NTM: variants seen among roughly 807,000 people sequenced by gnomAD.
NTM encodes the protein IgLON family member 2.
NTM carries 13 observed loss-of-function variants against 42.1 expected under a neutral mutation model. That is an observed-to-expected ratio of 0.31 (90% CI 0.20 to 0.49). The LOEUF is 0.49. Among genes scored for constraint, NTM ranks in the 20% least tolerant of loss-of-function variants. The probability of loss-of-function intolerance (pLI) is 0.99; values close to 1 mark genes in which losing one functional copy is unlikely to be tolerated. For missense variants in NTM, 373 were observed against 452.8 expected (o/e 0.82, Z 1.60); for synonymous variants, 187 against 179.2 (o/e 1.04, Z -0.35).
rs558955959 is a variant in NTM at position 131,780,585 on chromosome 11, G to T, written c.83-130979G>T. 1.4e-3 allele frequency among the ~76,000 whole-genome samples: 219 copies of T among 152,222 alleles called. 1 individual carries two copies. Among genetic ancestry groups the T allele is most frequent in the Non-Finnish European group, 2.0e-3 (136 of 68,012 alleles). ...TCAGAAGACATGAGAGCGAATGAGTGCTTCCAAGCTATTAATTTCTATTCA... is the reference window on the plus strand; with the variant it reads ...TCAGAAGACATGAGAGCGAATGAGTTCTTCCAAGCTATTAATTTCTATTCA... On this transcript the variant is annotated intron_variant, in intron 1 of 8. Coordinates refer to ENST00000683400, the MANE Select transcript of NTM (RefSeq NM_001352005.2).
At chr11:131,566,590 G>A (rs546638715) in intron 1 of NTM, among the ~76,000 whole-genome samples, 2 of 152,286 alleles carry the variant, frequency 1.3e-5, no homozygotes, top group East Asian at 3.9e-4. Flanking sequence ...TGTTAATTGA[G>A]CCACCCGTGC....
intron 7 of NTM, among the ~76,000 whole-genome samples, chr11:132,316,816 G>A (rs771242303): frequency 2.0e-5 from 3 of 152,122 alleles, no homozygotes; most frequent in African/African-American, 7.2e-5. Context: ...CATTATTGAG[G>A]CTCACCATCA....
intron 1 of NTM, among the ~76,000 whole-genome samples, chr11:131,502,311 T>A (rs1409067645): frequency 6.6e-6 from 1 of 152,092 alleles, no homozygotes; most frequent in Non-Finnish European, 1.5e-5. Context: ...AACCAGGACG[T>A]GGGATCTCAC....
chr11:131,377,240 G>T (rs180916882), intron 1 of NTM, among the ~76,000 whole-genome samples: 1 of 152,276 alleles, frequency 6.6e-6, no homozygotes, highest in Admixed American at 6.5e-5. Context: ...TGTAGAAAAG[G>T]AGCTCATGGA....
intron 1 of NTM, among the ~76,000 whole-genome samples, chr11:131,759,024 A>T (rs1383720029): frequency 6.6e-6 from 1 of 152,210 alleles, no homozygotes; most frequent in Non-Finnish European, 1.5e-5. Flanking sequence ...TTCATCTTTG[A>T]GAAGTTTGGT....
chr11:132,176,627 T>G (rs1323039837), intron 3 of NTM, among the ~76,000 whole-genome samples: 1 of 151,952 alleles, frequency 6.6e-6, no homozygotes, highest in Non-Finnish European at 1.5e-5. Flanking sequence ...AGATTATGCT[T>G]GACATGTGTT....
intron 1 of NTM, among the ~76,000 whole-genome samples, chr11:131,834,099 T>A (rs886365501): frequency 3.9e-5 from 6 of 152,146 alleles, no homozygotes; most frequent in African/African-American, 1.4e-4. Context: ...CTCTTTCGTT[T>A]GTTCATTGGT....
intron 2 of NTM, among the ~76,000 whole-genome samples, chr11:132,043,164 A>G (rs945008037): frequency 2.0e-5 from 3 of 152,180 alleles, no homozygotes; most frequent in Admixed American, 1.3e-4. Flanking sequence ...GTCGTAGCTG[A>G]GGAATCCTAG....
At position 132,103,462 on chromosome 11, in the gene NTM, C is replaced by T. The variant is rs186617957; in HGVS notation, c.168-42820C>T. On this transcript the variant is annotated intron_variant, in intron 2 of 8. Coordinates refer to ENST00000683400, the MANE Select transcript of NTM (RefSeq NM_001352005.2). ...TTGCAATCATGTGAAAATGCCTTTT[C>T]GTATTCCTACAGTTTGTCTGGATAA... Among the ~76,000 whole-genome samples the T allele has an allele frequency of 1.9e-4, 29 of 152,280 alleles. No individual in the cohort carries two copies. The East Asian group carries it at 4.1e-3, about 21-fold the overall frequency.
At chr11:132,110,187 C>A (rs2062975846) in intron 2 of NTM, among the ~76,000 whole-genome samples, 1 of 152,212 alleles carries the variant, frequency 6.6e-6, no homozygotes. Context: ...TATGCCCTGT[C>A]TTTTGTGTGC....
chr11:131,823,909 G>C (rs571427399), intron 1 of NTM, among the ~76,000 whole-genome samples: 1 of 152,188 alleles, frequency 6.6e-6, no homozygotes, highest in Non-Finnish European at 1.5e-5. Flanking sequence ...ACATGAAAGC[G>C]CATGGAATAG....
At chr11:131,734,799 A>G (rs374021683) in intron 1 of NTM, among the ~76,000 whole-genome samples, 3 of 152,326 alleles carry the variant, frequency 2.0e-5, no homozygotes, top group Admixed American at 1.3e-4. Context: ...GCCACATCTC[A>G]CAGTCATTAT....
At chr11:131,672,009 AG>A (rs2070361448) in intron 1 of NTM, among the ~76,000 whole-genome samples, 2 of 152,178 alleles carry the variant, frequency 1.3e-5, no homozygotes, top group Non-Finnish European at 2.9e-5. Context: ...GCAGATGGCC[AG>A]GGGCCCGCAG....
intron 4 of NTM, among the ~76,000 whole-genome samples, chr11:132,280,549 G>A (rs1591709142): frequency 7.8e-6 from 1 of 128,274 alleles, no homozygotes; most frequent in East Asian, 2.5e-4. Context: ...GCAGTGGCAT[G>A]TTCTTGGCTC....
At chr11:132,044,058 ATGTG>A (rs1450648453) in intron 2 of NTM, among the ~76,000 whole-genome samples, 1 of 130,200 alleles carries the variant, frequency 7.7e-6, no homozygotes, top group Non-Finnish European at 1.7e-5. Context: ...GTATGTGTGT[ATGTG>A]TGTGTATGTG....
chr11:131,483,207 C>T (rs553846249), intron 1 of NTM, among the ~76,000 whole-genome samples: 51 of 152,294 alleles, frequency 3.3e-4, no homozygotes, highest in African/African-American at 1.1e-3. Context: ...GCTTTGCCTC[C>T]TCCTTCACCT....
intron 1 of NTM, among the ~76,000 whole-genome samples, chr11:131,849,257 T>G (rs1048001618): frequency 1.3e-5 from 2 of 152,182 alleles, no homozygotes; most frequent in Non-Finnish European, 1.5e-5. Context: ...TAGGCCATTT[T>G]TGCATTGCTG....
At chr11:131,730,316 A>G (rs1489155198) in intron 1 of NTM, among the ~76,000 whole-genome samples, 1 of 152,232 alleles carries the variant, frequency 6.6e-6, no homozygotes, top group Non-Finnish European at 1.5e-5. Context: ...TATATGCCAC[A>G]TAAAGACATG....
At chr11:132,315,836 G>A (rs1489022928) in intron 7 of NTM, among the ~76,000 whole-genome samples, 2 of 152,106 alleles carry the variant, frequency 1.3e-5, no homozygotes, top group African/African-American at 2.4e-5. Flanking sequence ...CTTGATCCCC[G>A]AGCCAGTGGC....
Sources: allele counts gnomAD v4.1 joint callset (sites outside exome capture counted in the v4.1 genomes callset), GRCh38; gene constraint gnomAD v4.1.1; transcripts MANE v1.5; gene names NCBI Gene and HGNC (gene_info 2026-07-23, HGNC 2026-07-21).